Variants in CLYBL observed in about 807,000 individuals in gnomAD.
CLYBL encodes the protein citramalyl-CoA lyase, also known as citramalyl-CoA lyase, mitochondrial.
Under a neutral mutation model 38.9 loss-of-function variants are expected in CLYBL, and 31 were observed. That is an observed-to-expected ratio of 0.80 (90% CI 0.60 to 1.08). The LOEUF is 1.08. Among genes scored for constraint, CLYBL ranks in the 50% least tolerant of loss-of-function variants. CLYBL has a pLI of 0.00. For synonymous variants in CLYBL, 171 were observed against 158.6 expected, an observed-to-expected ratio of 1.08 and a Z score of -0.59; for missense variants, 434 against 411.6, an observed-to-expected ratio of 1.05 and a Z score of -0.47.
At chr13:99,790,724 C>T (rs1006698968) in intron 2 of CLYBL, among the ~76,000 whole-genome samples, 1 of 152,172 alleles carries the variant, frequency 6.6e-6, no homozygotes, top group African/African-American at 2.4e-5. Context: ...TCTCCCTGAA[C>T]CATCCAGTCC....
intron 3 of CLYBL, among the ~76,000 whole-genome samples, chr13:99,861,361 T>A (rs1429566470): frequency 6.6e-6 from 1 of 152,134 alleles, no homozygotes; most frequent in East Asian, 1.9e-4. Flanking sequence ...TGACTTGGTT[T>A]TAAAGTCCAT....
chr13:99,888,671 C>T (rs2052413483), intron 7 of CLYBL, among the ~76,000 whole-genome samples: 1 of 152,106 alleles, frequency 6.6e-6, no homozygotes, highest in Non-Finnish European at 1.5e-5. Context: ...GAGAATCGAA[C>T]CCGGGAGGCG....
chr13:99,682,930 G>T (rs1383348529), intron 1 of CLYBL, among the ~76,000 whole-genome samples: 1 of 151,906 alleles, frequency 6.6e-6, no homozygotes, highest in Non-Finnish European at 1.5e-5. Flanking sequence ...AGAGACGGGG[G>T]TTTCGCCATG....
At chr13:99,685,567 C>T (rs936402107) in intron 1 of CLYBL, among the ~76,000 whole-genome samples, 7 of 152,102 alleles carry the variant, frequency 4.6e-5, no homozygotes, top group Non-Finnish European at 5.9e-5. Flanking sequence ...TAAGCATCAT[C>T]GGAGCAAAAC....
intron 2 of CLYBL, among the ~76,000 whole-genome samples, chr13:99,840,749 T>TAA: frequency 6.5e-5 from 2 of 30,658 alleles, no homozygotes; most frequent in African/African-American, 1.9e-4. Context: ...GACCCTTGTC[T>TAA]CAAAAAAAAA....
chr13:99,830,335 C>T (rs560326270), intron 2 of CLYBL, among the ~76,000 whole-genome samples: 1 of 152,320 alleles, frequency 6.6e-6, no homozygotes, highest in Non-Finnish European at 1.5e-5. Context: ...CAGTGCCCTC[C>T]TGGTAGAGAT....
At chr13:99,804,855 C>T (rs2138958022) in intron 2 of CLYBL, among the ~76,000 whole-genome samples, 1 of 152,216 alleles carries the variant, frequency 6.6e-6, no homozygotes, top group Middle Eastern at 3.4e-3. Flanking sequence ...TAATCATCAC[C>T]ACCAGCATCT....
At chr13:99,871,199 T>C (rs2051886463) in intron 7 of CLYBL, 137 bp downstream of exon 7, 1 of 979,012 alleles carries the variant, frequency 1.0e-6, no homozygotes, top group East Asian at 2.6e-5. Flanking sequence ...AACACAACAT[T>C]CACCAGTGAG....
At chr13:99,762,457 A>G (rs1349757901) in intron 1 of CLYBL, among the ~76,000 whole-genome samples, 1 of 152,220 alleles carries the variant, frequency 6.6e-6, no homozygotes, top group Non-Finnish European at 1.5e-5. Context: ...GACTTTGTCA[A>G]AGATGAGTTG....
chr13:99,615,324 C>T (rs927483101), intron 1 of CLYBL, among the ~76,000 whole-genome samples: 3 of 152,186 alleles, frequency 2.0e-5, no homozygotes, highest in Non-Finnish European at 2.9e-5. Context: ...GTGAGGAAGC[C>T]CATAGTGCTG....
At chr13:99,836,675 A>G (rs7333543) in intron 2 of CLYBL, among the ~76,000 whole-genome samples, 26,490 of 152,194 alleles carry the variant, frequency 0.17, 3,273 homozygotes, top group African/African-American at 0.34. Flanking sequence ...TATAAAAAGT[A>G]TATATTGCTT....
chr13:99,901,645 G>GTTTT (rs57853480), downstream of CLYBL, among the ~76,000 whole-genome samples: 16 of 127,190 alleles, frequency 1.3e-4, no homozygotes, highest in South Asian at 7.8e-4. Flanking sequence ...GGATTTTTTT[G>GTTTT]TTTTTTTTTT....
chr13:99,806,691 A>G (rs1175941889), intron 2 of CLYBL, among the ~76,000 whole-genome samples: 2 of 152,238 alleles, frequency 1.3e-5, no homozygotes, highest in Non-Finnish European at 2.9e-5. Context: ...TGCCTGGCAC[A>G]TGGAATATGC....
chr13:99,811,986 A>G (rs1439757244), intron 2 of CLYBL, among the ~76,000 whole-genome samples: 1 of 152,138 alleles, frequency 6.6e-6, no homozygotes, highest in Non-Finnish European at 1.5e-5. Flanking sequence ...TGAATCCACA[A>G]TCCTGTATCC....
chr13:99,855,928 G>A (rs1207287608), intron 2 of CLYBL, among the ~76,000 whole-genome samples: 3 of 152,140 alleles, frequency 2.0e-5, no homozygotes, highest in African/African-American at 7.2e-5. Context: ...GGTGTCGTAT[G>A]GCAACTTACC....
intron 2 of CLYBL, among the ~76,000 whole-genome samples, chr13:99,854,980 T>G (rs2051424043): frequency 6.6e-6 from 1 of 152,200 alleles, no homozygotes; most frequent in Non-Finnish European, 1.5e-5. Context: ...AACACCATTT[T>G]TTAGAATGGG....
chr13:99,791,114 C>T (rs985225395), intron 2 of CLYBL, among the ~76,000 whole-genome samples: 2 of 152,060 alleles, frequency 1.3e-5, no homozygotes, highest in African/African-American at 4.8e-5. Context: ...TAATTTGATA[C>T]CAGCAGTCTG....
At chr13:99,845,707 G>A (rs1160040583) in intron 2 of CLYBL, among the ~76,000 whole-genome samples, 1 of 152,138 alleles carries the variant, frequency 6.6e-6, no homozygotes, top group East Asian at 1.9e-4. Flanking sequence ...GTGGCACACC[G>A]CGACAGGCTG....
intron 2 of CLYBL, among the ~76,000 whole-genome samples, chr13:99,782,452 C>T (rs989732022): frequency 6.6e-6 from 1 of 151,978 alleles, no homozygotes. Flanking sequence ...TTGCTGCGAG[C>T]CAAGATCATA....
Sources: gnomAD v4.1 joint callset for allele counts (sites outside exome capture counted in the v4.1 genomes callset) on GRCh38, gnomAD v4.1.1 for gene constraint, MANE v1.5 for transcripts, NCBI Gene and HGNC (gene_info 2026-07-23, HGNC 2026-07-21) for gene names.